The following GALNT13 variants were observed in gnomAD, a reference collection of about 807,000 sequenced individuals.
GALNT13 encodes UDP-GalNAc:polypeptide N-acetylgalactosaminyltransferase 13.
A neutral mutation model predicts 64.2 loss-of-function variants in GALNT13; 28 were observed. That is an observed-to-expected ratio of 0.44 (90% confidence interval 0.32 to 0.60). GALNT13 has a LOEUF of 0.60. GALNT13 is among the 20% of genes least tolerant of loss of function. GALNT13 has a pLI of 0.05. For synonymous variants in GALNT13, 214 were observed against 224.6 expected, an observed-to-expected ratio of 0.95 and a Z score of 0.42; for missense variants, 577 against 669.8, an observed-to-expected ratio of 0.86 and a Z score of 1.53.
At chr2:154,103,845 T>A (rs1702471526) in intron 3 of GALNT13, among the ~76,000 whole-genome samples, 1 of 152,166 alleles carries the variant, frequency 6.6e-6, no homozygotes. Context: ...GCTGTGGGAA[T>A]GAGAGTGTGG....
intron 1 of GALNT13, among the ~76,000 whole-genome samples, chr2:153,874,156 A>T (rs1686196964): frequency 8.0e-6 from 1 of 125,370 alleles, no homozygotes. Flanking sequence ...GAACCTTCAT[A>T]TTGAAACCCT....
intron 8 of GALNT13, chr2:154,287,546 A>C: frequency 4.1e-6 from 1 of 241,400 alleles, no homozygotes; most frequent in Non-Finnish European, 8.4e-6. Context: ...TTTCTAGTTC[A>C]TCAATCCTTC....
intron 10 of GALNT13, among the ~76,000 whole-genome samples, chr2:154,405,271 C>T (rs1374673144): frequency 6.6e-6 from 1 of 151,612 alleles, no homozygotes; most frequent in Non-Finnish European, 1.5e-5. Context: ...CTTGTAAGAA[C>T]ACATGAGTGA....
intron 3 of GALNT13, among the ~76,000 whole-genome samples, chr2:153,967,664 C>T (rs1693464389): frequency 6.6e-6 from 1 of 152,058 alleles, no homozygotes; most frequent in Admixed American, 6.5e-5. Flanking sequence ...GCTCTCACAG[C>T]TGGTATCATG....
At chr2:154,151,016 G>A (rs1308022870) in intron 4 of GALNT13, among the ~76,000 whole-genome samples, 1 of 152,048 alleles carries the variant, frequency 6.6e-6, no homozygotes, top group Non-Finnish European at 1.5e-5. Context: ...TTTTAATTGT[G>A]ATGTTAGGGG....
At chr2:153,524,826 A>G in the GALNT13 span, among the ~76,000 whole-genome samples, 1 of 152,134 alleles carries the variant, frequency 6.6e-6, no homozygotes, top group Non-Finnish European at 1.5e-5. Context: ...GGCCACAAGG[A>G]CTGTAACACC....
At chr2:153,108,704 G>A in the GALNT13 span, among the ~76,000 whole-genome samples, 23 of 152,092 alleles carry the variant, frequency 1.5e-4, no homozygotes, top group African/African-American at 5.6e-4. Context: ...ACTCCCAAAT[G>A]TTAAAAGAAG....
At chr2:154,306,964 A>C (rs1433918316) in intron 9 of GALNT13, among the ~76,000 whole-genome samples, 1 of 151,858 alleles carries the variant, frequency 6.6e-6, no homozygotes, top group African/African-American at 2.4e-5. Context: ...CTAGGCAAGA[A>C]GGTGGTTTGT....
the GALNT13 span, among the ~76,000 whole-genome samples, chr2:153,778,039 T>C: frequency 6.6e-6 from 1 of 152,204 alleles, no homozygotes; most frequent in African/African-American, 2.4e-5. Context: ...GTTGGGCCAC[T>C]TAGCTGCCCA....
the GALNT13 span, among the ~76,000 whole-genome samples, chr2:153,671,007 A>T: frequency 6.6e-6 from 1 of 152,214 alleles, no homozygotes; most frequent in Non-Finnish European, 1.5e-5. Context: ...TAGAGAAAAA[A>T]GTGAAAAGAA....
At chr2:154,108,100 T>C (rs1048615549) in intron 3 of GALNT13, among the ~76,000 whole-genome samples, 1 of 152,140 alleles carries the variant, frequency 6.6e-6, no homozygotes, top group Non-Finnish European at 1.5e-5. Flanking sequence ...TTCAAATCTT[T>C]TGGATAAATA....
intron 4 of GALNT13, among the ~76,000 whole-genome samples, chr2:154,171,401 G>T (rs1175502358): frequency 6.6e-6 from 1 of 152,080 alleles, no homozygotes; most frequent in African/African-American, 2.4e-5. Context: ...CTATAAATTT[G>T]TGTGTTTTCA....
the GALNT13 span, among the ~76,000 whole-genome samples, chr2:153,652,572 G>A: frequency 0.17 from 26,236 of 151,952 alleles, 2,798 homozygotes; most frequent in Non-Finnish European, 0.23. Flanking sequence ...CTGAAATTGC[G>A]CCACTGCACT....
the GALNT13 span, among the ~76,000 whole-genome samples, chr2:153,345,716 T>TCCTTCCTTCCTTCCTTCCTTC: frequency 3.8e-5 from 3 of 79,386 alleles, no homozygotes; most frequent in Admixed American, 2.6e-4. Flanking sequence ...TTTCTCTCTT[T>TCCTTCCTTCCTTCCTTCCTTC]CTGTCCTTCC....
At chr2:153,469,974 G>T in the GALNT13 span, among the ~76,000 whole-genome samples, 1 of 152,026 alleles carries the variant, frequency 6.6e-6, no homozygotes, top group African/African-American at 2.4e-5. Context: ...GGCACTTGGA[G>T]CTACATCAAC....
chr2:154,101,005 C>T (rs976162449), intron 3 of GALNT13, among the ~76,000 whole-genome samples: 5 of 152,010 alleles, frequency 3.3e-5, no homozygotes, highest in South Asian at 2.1e-4. Flanking sequence ...TTGTGAATCA[C>T]GTTCATTGAT....
the GALNT13 span, among the ~76,000 whole-genome samples, chr2:153,251,258 G>C: frequency 6.6e-6 from 1 of 152,104 alleles, no homozygotes; most frequent in Non-Finnish European, 1.5e-5. Context: ...ATATGACTTA[G>C]TGTATGTTAA....
chr2:153,439,643 G>A, the GALNT13 span, among the ~76,000 whole-genome samples: 1 of 152,198 alleles, frequency 6.6e-6, no homozygotes, highest in Non-Finnish European at 1.5e-5. Context: ...ATCTCCTGGT[G>A]TGCCGTTTGT....
At position 154,074,289 on chromosome 2, in the gene GALNT13, A is replaced by G. The variant is rs541163912; in HGVS notation, c.143-66048A>G. On this transcript the variant is annotated intron_variant, in intron 3 of 12. Coordinates refer to ENST00000392825, the MANE Select transcript of GALNT13 (RefSeq NM_052917.4). ...AAAAGTGAAATGGTAGTTAAAAAGG[A>G]TAATCAAAAGGAAGATCTCAGAACT... 9.9e-5 allele frequency among the ~76,000 whole-genome samples: 15 copies of G among 152,072 alleles called. No homozygotes were observed. In the South Asian group the frequency reaches 3.1e-3, roughly 31 times the overall value.
Sources: gnomAD v4.1 joint callset for allele counts (sites outside exome capture counted in the v4.1 genomes callset) on GRCh38, gnomAD v4.1.1 for gene constraint, MANE v1.5 for transcripts, NCBI Gene and HGNC (gene_info 2026-07-23, HGNC 2026-07-21) for gene names.